The following CPLANE1 variants were observed in gnomAD, a reference collection of about 807,000 sequenced individuals.
CPLANE1 encodes ciliogenesis and planar polarity effector 1.
In CPLANE1, 263 loss-of-function variants were observed where a neutral mutation model predicts 362.5. The ratio of observed to expected loss-of-function variants is 0.73; its 90% CI spans 0.66 to 0.80. The LOEUF (loss-of-function observed/expected upper bound fraction) is 0.80. CPLANE1 is among the 30% of genes least tolerant of loss of function. CPLANE1 has a pLI of 0.00. For synonymous variants in CPLANE1, 1,212 were observed against 1,302.6 expected (o/e 0.93, Z 1.50); for missense variants, 3,461 against 3,793.4 (o/e 0.91, Z 2.30).
chr5:37,186,337 T>C lies in CPLANE1; in HGVS notation c.4138A>G (p.Arg1380Gly). The C allele has an allele frequency of 6.2e-7, 1 of 1,608,072 alleles. No individual in the cohort carries two copies. The highest frequency in any genetic ancestry group is 8.5e-7 in the Non-Finnish European group (1 of 1,174,700). ...TGGTGAAGAGAGTGATATTTGTCTCTTAAAGGAACCCTCACGTCCTCAGGA... is the reference window on the plus strand; with the variant it reads ...TGGTGAAGAGAGTGATATTTGTCTCCTAAAGGAACCCTCACGTCCTCAGGA... ...PYPEDVRVPL[R>G]DKYHSLHQRL... Residue 1380 changes from arginine to glycine, a missense_variant, in exon 24 of 53, where the codon AGA (arginine) becomes GGA (glycine). Around this residue, in one of 2 missense-constraint regions of CPLANE1, gnomAD observed 3,380 missense variants for 3,666.1 expected, o/e 0.92. Transcript: ENST00000651892.
intron 46 of CPLANE1, among the ~76,000 whole-genome samples, chr5:37,130,875 T>A (rs1344897258): frequency 6.6e-6 from 1 of 152,094 alleles, no homozygotes; most frequent in Non-Finnish European, 1.5e-5. Flanking sequence ...CTAGGAAAAA[T>A]GGAATGTCAG....
intron 12 of CPLANE1, among the ~76,000 whole-genome samples, chr5:37,225,533 AT>A (rs1326004137): frequency 6.6e-6 from 1 of 152,028 alleles, no homozygotes; most frequent in African/African-American, 2.4e-5. Flanking sequence ...GCCCAGCCTA[AT>A]TTTTTAAAGA....
At chr5:37,246,150 ATC>A in intron 2 of CPLANE1, 1 of 128,768 alleles carries the variant, frequency 7.8e-6, no homozygotes, top group Non-Finnish European at 1.4e-5. Context: ...CTACTTTTTA[ATC>A]TTTTTTTTTT....
At chr5:37,219,119 T>C (rs960719854) in intron 15 of CPLANE1, among the ~76,000 whole-genome samples, 2 of 152,176 alleles carry the variant, frequency 1.3e-5, no homozygotes, top group African/African-American at 4.8e-5. Context: ...CTCACACCTA[T>C]AACCCCAGCA....
intron 38 of CPLANE1, among the ~76,000 whole-genome samples, chr5:37,159,415 T>G (rs1216329984): frequency 6.6e-6 from 1 of 152,244 alleles, no homozygotes; most frequent in African/African-American, 2.4e-5. Context: ...CCGGCCTAAT[T>G]CACATTCTTT....
intron 24 of CPLANE1, among the ~76,000 whole-genome samples, chr5:37,185,557 A>G (rs1005383890): frequency 7.2e-5 from 11 of 152,162 alleles, no homozygotes; most frequent in African/African-American, 2.7e-4. Context: ...AAACATTTTA[A>G]AACATTATTT....
In CPLANE1 at chr5:37,234,501, TAAG is replaced by T. The variant is rs1467518659; in HGVS notation, c.939-3455_939-3453del. On this transcript the variant is annotated intron_variant, in intron 8 of 52. Transcript: ENST00000651892. ...AGAAAGAATCTCAGTCAGACAAAAA[TAAG>T]AAAAAAAAAAAAAGAATGAACAAAG... Among the ~76,000 whole-genome samples the T allele has an allele frequency of 3.3e-5, 3 of 91,566 alleles. No individual in the cohort carries two copies. In the East Asian group the frequency reaches 8.9e-4, roughly 27 times the overall value. 60.1% of individuals were successfully genotyped at this position (91,566 alleles called of 152,430 possible).
chr5:37,157,222 T>G, intron 41 of CPLANE1, 91 bp downstream of exon 41: 1 of 595,352 alleles, frequency 1.7e-6, no homozygotes, highest in East Asian at 6.3e-5. Context: ...ACCCTTTTTC[T>G]GGTTTCTTTT....
At chr5:37,200,218 T>C (rs966628915) in intron 19 of CPLANE1, among the ~76,000 whole-genome samples, 4 of 152,244 alleles carry the variant, frequency 2.6e-5, no homozygotes, top group Admixed American at 6.5e-5. Flanking sequence ...AGTGTTTTAT[T>C]ACTTGCAACA....
chr5:37,076,073 T>TATC, the CPLANE1 span, among the ~76,000 whole-genome samples: 58 of 151,654 alleles, frequency 3.8e-4, no homozygotes, highest in Admixed American at 5.9e-4. Flanking sequence ...GTGAAACCCC[T>TATC]ATCAATCACT....
chr5:37,164,422 T>G, intron 36 of CPLANE1, 95 bp from the exon 37 acceptor site: 1 of 848,668 alleles, frequency 1.2e-6, no homozygotes, highest in Non-Finnish European at 1.9e-6. Context: ...TGAATTCTCA[T>G]GTATAACTTC....
chr5:37,190,264 T>G (rs1785154118), intron 21 of CPLANE1, among the ~76,000 whole-genome samples: 1 of 151,872 alleles, frequency 6.6e-6, no homozygotes, highest in Non-Finnish European at 1.5e-5. Context: ...GCAAGGAAAC[T>G]TTTATAGATT....
chr5:37,165,499 C>T lies in CPLANE1; in HGVS notation c.7533+40G>A, dbSNP rs760172236. 5.6e-6 allele frequency: 9 copies of T among 1,596,816 alleles called. No homozygotes were observed. In the Admixed American group the frequency reaches 1.0e-4, roughly 18 times the overall value. On this transcript the variant is annotated intron_variant, in intron 36 of 52. Transcript: ENST00000651892. ...ACAAAGACATACCAAACTCAGTGTA[C>T]ATGCAAACCAGGGAAGAATCTATAG...
At position 37,238,942 on chromosome 5, in the gene CPLANE1, T is replaced by C. The variant is rs1799663300; in HGVS notation, c.853A>G (p.Ile285Val). The change falls in exon 8 of 53, where the codon ATA (isoleucine) becomes GTA (valine). Residue 285 changes from isoleucine to valine, a missense_variant. By Grantham distance (29) the Ile-to-Val change is conservative (BLOSUM62 3). Coordinates refer to ENST00000651892, the MANE Select transcript of CPLANE1 (RefSeq NM_001384732.1). ...AGAGTAACAAAATTCAGTGTGTTTA[T>C]AAATAATACCTGAGTTGCCTAGAAA... ...KDPKATQVLFINTLNFVTLCG... is the reference protein window; with the variant it reads ...KDPKATQVLFVNTLNFVTLCG... The C allele has an allele frequency of 6.6e-7, 1 of 1,513,150 alleles. No individual in the cohort carries two copies. The highest frequency in any genetic ancestry group is 1.4e-5 in the African/African-American group (1 of 70,920). 93.7% of individuals were successfully genotyped at this position (1,513,150 alleles called of 1,614,324 possible).
intron 12 of CPLANE1, among the ~76,000 whole-genome samples, chr5:37,225,759 G>A (rs749331362): frequency 1.4e-4 from 21 of 150,542 alleles, no homozygotes; most frequent in Non-Finnish European, 2.8e-4. Flanking sequence ...GGCTGAGGCA[G>A]GAGAATCTAC....
At chr5:37,191,903 G>A (rs1188042312) in intron 21 of CPLANE1, among the ~76,000 whole-genome samples, 1 of 152,020 alleles carries the variant, frequency 6.6e-6, no homozygotes, top group African/African-American at 2.4e-5. Flanking sequence ...ATTTATTATG[G>A]AAGAAAAATA....
At chr5:37,123,726 A>C (rs2150118288) in intron 47 of CPLANE1, among the ~76,000 whole-genome samples, 1 of 152,134 alleles carries the variant, frequency 6.6e-6, no homozygotes, top group South Asian at 2.1e-4. Context: ...AGGTCTCACT[A>C]TGTTGCCTAG....
At chr5:37,225,227 A>C (rs1796193554) in intron 12 of CPLANE1, among the ~76,000 whole-genome samples, 1 of 150,968 alleles carries the variant, frequency 6.6e-6, no homozygotes, top group African/African-American at 2.4e-5. Flanking sequence ...TCAGCCTCCC[A>C]GGTAGCTGGG....
chr5:37,102,519 T>C (rs1056709246), downstream of CPLANE1, among the ~76,000 whole-genome samples: 5 of 152,156 alleles, frequency 3.3e-5, no homozygotes, highest in Admixed American at 6.5e-5. Flanking sequence ...AGTTGTTGAT[T>C]TGAGACCTTT....
Sources: allele counts gnomAD v4.1 joint callset (sites outside exome capture counted in the v4.1 genomes callset), GRCh38; gene constraint gnomAD v4.1.1; regional missense constraint gnomAD v4.1.1; transcripts MANE v1.5; gene names NCBI Gene and HGNC (gene_info 2026-07-23, HGNC 2026-07-21).